Variants in ATXN8OS observed in about 807,000 individuals in gnomAD.
ATXN8OS encodes the protein ATXN8 opposite strand (non-protein coding).
chr13:70,117,074 G>A (rs1888289607), intron 2 of ATXN8OS, among the ~76,000 whole-genome samples: 1 of 152,120 alleles, frequency 6.6e-6, no homozygotes, highest in South Asian at 2.1e-4. Context: ...TTACAAAAGA[G>A]GGTATAAACT....
chr13:70,130,875 A>C, intron 3 of ATXN8OS: 1 of 398,548 alleles, frequency 2.5e-6, no homozygotes, highest in East Asian at 3.6e-5. Context: ...AAATCATACA[A>C]GAAGGTCCAT....
intron 4 of ATXN8OS, among the ~76,000 whole-genome samples, chr13:70,157,504 C>A (rs990952166): frequency 1.3e-5 from 2 of 151,138 alleles, no homozygotes; most frequent in Non-Finnish European, 3.0e-5. Context: ...ACTCACATGA[C>A]TAAGATATCC....
At chr13:70,124,782 C>T (rs147294892) in intron 2 of ATXN8OS, among the ~76,000 whole-genome samples, 70 of 152,134 alleles carry the variant, frequency 4.6e-4, no homozygotes, top group African/African-American at 1.7e-3. Context: ...ATATCGTTGT[C>T]ATCTCCTTTG....
chr13:70,155,343 T>C (rs1888923489), intron 4 of ATXN8OS, among the ~76,000 whole-genome samples: 2 of 152,186 alleles, frequency 1.3e-5, no homozygotes, highest in African/African-American at 2.4e-5. Context: ...AGATCTTTTT[T>C]AGGATAACCA....
intron 4 of ATXN8OS, among the ~76,000 whole-genome samples, chr13:70,158,333 G>C (rs1036145451): frequency 6.6e-6 from 1 of 152,122 alleles, no homozygotes; most frequent in African/African-American, 2.4e-5. Flanking sequence ...CAGGAGAATC[G>C]CTTGAACCTG....
intron 4 of ATXN8OS, among the ~76,000 whole-genome samples, chr13:70,152,180 A>G (rs562480672): frequency 1.3e-5 from 2 of 152,054 alleles, no homozygotes; most frequent in East Asian, 1.9e-4. Flanking sequence ...TTCACATGGG[A>G]TGCTCCTGTT....
At chr13:70,107,613 G>C (rs191673952), upstream of ATXN8OS, 49 of 1,587,496 alleles carry the variant, frequency 3.1e-5, no homozygotes, top group East Asian at 1.0e-3. Context: ...CCGGGCCGCC[G>C]GTGGAAGGAG....
chr13:70,130,837 A>G, intron 3 of ATXN8OS: 1 of 398,582 alleles, frequency 2.5e-6, no homozygotes, highest in East Asian at 3.6e-5. Flanking sequence ...AATGAAGAAC[A>G]ACTTGTTGAA....
chr13:70,163,469 A>G (rs1457360966), intron 4 of ATXN8OS, among the ~76,000 whole-genome samples: 2 of 152,050 alleles, frequency 1.3e-5, no homozygotes, highest in African/African-American at 4.8e-5. Flanking sequence ...ATTAACATCA[A>G]GGTTTCCCTG....
At chr13:70,146,518 T>C (rs1888788916) in intron 3 of ATXN8OS, among the ~76,000 whole-genome samples, 1 of 152,160 alleles carries the variant, frequency 6.6e-6, no homozygotes, top group Non-Finnish European at 1.5e-5. Flanking sequence ...CCAACCCAAA[T>C]GTCCAACAAC....
chr13:70,140,712 T>C (rs904909408), intron 3 of ATXN8OS, among the ~76,000 whole-genome samples: 1 of 152,154 alleles, frequency 6.6e-6, no homozygotes, highest in Non-Finnish European at 1.5e-5. Flanking sequence ...TCTTTGTTTT[T>C]CTATGCATGT....
At chr13:70,162,855 G>C (rs1448732549) in intron 4 of ATXN8OS, among the ~76,000 whole-genome samples, 6 of 151,920 alleles carry the variant, frequency 3.9e-5, no homozygotes, top group African/African-American at 1.5e-4. Flanking sequence ...TAATTTTTTA[G>C]ATCTGGCAAA....
At chr13:70,157,036 G>C (rs1888945939) in intron 4 of ATXN8OS, among the ~76,000 whole-genome samples, 1 of 152,002 alleles carries the variant, frequency 6.6e-6, no homozygotes, top group African/African-American at 2.4e-5. Flanking sequence ...TATAATAATA[G>C]AGACAAAAGA....
intron 4 of ATXN8OS, among the ~76,000 whole-genome samples, chr13:70,159,142 ATTAAT>A (rs1888971266): frequency 1.3e-5 from 2 of 151,298 alleles, no homozygotes; most frequent in Admixed American, 6.6e-5. Flanking sequence ...CTAATTACTA[ATTAAT>A]TTATTTTCTC....
intron 2 of ATXN8OS, among the ~76,000 whole-genome samples, chr13:70,118,234 TACA>T (rs1335662568): frequency 1.3e-5 from 2 of 152,028 alleles, no homozygotes; most frequent in Non-Finnish European, 2.9e-5. Flanking sequence ...TAATTTAGAT[TACA>T]AAAAAAATCT....
intron 4 of ATXN8OS, among the ~76,000 whole-genome samples, chr13:70,154,722 T>G (rs1478369614): frequency 1.3e-5 from 2 of 152,164 alleles, no homozygotes; most frequent in Non-Finnish European, 2.9e-5. Flanking sequence ...AAAACAAATT[T>G]TACTTTGTTT....
At chr13:70,148,941 G>A (rs940118329) in intron 4 of ATXN8OS, among the ~76,000 whole-genome samples, 1 of 152,066 alleles carries the variant, frequency 6.6e-6, no homozygotes, top group Non-Finnish European at 1.5e-5. Flanking sequence ...TCTATAATTT[G>A]CTTTTAACAC....
chr13:70,151,243 G>T (rs963832806), intron 4 of ATXN8OS, among the ~76,000 whole-genome samples: 3 of 152,030 alleles, frequency 2.0e-5, no homozygotes, highest in African/African-American at 7.2e-5. Flanking sequence ...CAGATCTCCA[G>T]AAATTATTTA....
chr13:70,145,950 G>T (rs2137495664), intron 3 of ATXN8OS, among the ~76,000 whole-genome samples: 1 of 146,888 alleles, frequency 6.8e-6, no homozygotes, highest in East Asian at 2.1e-4. Context: ...CACAGCAAAA[G>T]AAACTACCAT....
Sources: gnomAD v4.1 joint callset for allele counts (sites outside exome capture counted in the v4.1 genomes callset) on GRCh38, gnomAD v4.1.1 for gene constraint, MANE v1.5 for transcripts, NCBI Gene and HGNC (gene_info 2026-07-23, HGNC 2026-07-21) for gene names.